ADGRD1: variants seen among roughly 807,000 people sequenced by gnomAD.
ADGRD1 encodes the protein G-protein coupled receptor 133.
Under a neutral mutation model 113.4 loss-of-function variants are expected in ADGRD1, and 77 were observed. The ratio of observed to expected loss-of-function variants is 0.68; its 90% CI spans 0.57 to 0.82. ADGRD1 has a LOEUF of 0.82. Ranked by LOEUF, ADGRD1 falls within the 40% of genes least tolerant of loss-of-function variation. The probability of loss-of-function intolerance (pLI) is 0.00; values close to 1 mark genes in which losing one functional copy is unlikely to be tolerated. For synonymous variants in ADGRD1, 474 were observed against 475.0 expected (o/e 1.00, Z 0.03); for missense variants, 1,036 against 1,139.1 (o/e 0.91, Z 1.30).
At chr12:131,070,869 A>G (rs1488474910) in intron 13 of ADGRD1, 1 of 519,044 alleles carries the variant, frequency 1.9e-6, no homozygotes. Flanking sequence ...GAGTGTCTGC[A>G]CGGGACGTCC....
intron 13 of ADGRD1, among the ~76,000 whole-genome samples, chr12:131,031,974 A>C (rs1880812671): frequency 6.6e-6 from 1 of 152,068 alleles, no homozygotes; most frequent in Admixed American, 6.5e-5. Flanking sequence ...CTTCAGATGA[A>C]CCAGCCTGAC....
chr12:131,024,873 G>C lies in ADGRD1; in HGVS notation c.1473+10533G>C, dbSNP rs558331367. On this transcript the variant is annotated intron_variant, in intron 13 of 24. Coordinates refer to ENST00000261654, the MANE Select transcript of ADGRD1 (RefSeq NM_198827.5). ...CAGGCGTGTCTGTGTGAGAAGCTCGGGCAGGGCTCTCCGGGCCATTTTCTC... is the reference window on the plus strand; with the variant it reads ...CAGGCGTGTCTGTGTGAGAAGCTCGCGCAGGGCTCTCCGGGCCATTTTCTC... 5.3e-5 allele frequency: 8 copies of C among 152,372 alleles called. No homozygotes were observed. The South Asian group carries it at 6.2e-4, about 12-fold the overall frequency. The allele number at this position is 152,372 out of a possible 1,614,324, so 9.4% of individuals were successfully genotyped here.
chr12:131,093,690 C>CTCTGTGTGAA (rs1887066752), intron 15 of ADGRD1, among the ~76,000 whole-genome samples: 1 of 152,234 alleles, frequency 6.6e-6, no homozygotes, highest in East Asian at 1.9e-4. Context: ...TCCACGGGGT[C>CTCTGTGTGAA]TCTGTGTGAA....
chr12:131,097,447 A>G (rs928700716), intron 15 of ADGRD1, among the ~76,000 whole-genome samples: 1 of 152,062 alleles, frequency 6.6e-6, no homozygotes, highest in Non-Finnish European at 1.5e-5. Flanking sequence ...GCTCATTTCT[A>G]CCTGTCCCCG....
chr12:131,032,008 C>A (rs1384664318), intron 13 of ADGRD1, among the ~76,000 whole-genome samples: 1 of 152,218 alleles, frequency 6.6e-6, no homozygotes, highest in African/African-American at 2.4e-5. Context: ...CAGCCTCCAC[C>A]CTTGGCTCTG....
chr12:130,988,012 C>G (rs1309719743), intron 6 of ADGRD1: 1 of 153,256 alleles, frequency 6.5e-6, no homozygotes, highest in African/African-American at 2.4e-5. Context: ...CCGCCTTCCC[C>G]TCCCCCAGAC....
At chr12:130,974,870 C>T (rs1052477767) in intron 4 of ADGRD1, among the ~76,000 whole-genome samples, 6 of 152,092 alleles carry the variant, frequency 3.9e-5, no homozygotes, top group Non-Finnish European at 8.8e-5. Context: ...CTCTCTGCTG[C>T]TTGTCTGCCT....
chr12:131,056,171 T>C (rs1883843637), intron 13 of ADGRD1, among the ~76,000 whole-genome samples: 1 of 152,224 alleles, frequency 6.6e-6, no homozygotes, highest in South Asian at 2.1e-4. Flanking sequence ...TTCCTCTTGG[T>C]TGAGGATCAC....
At chr12:130,969,033 T>A in intron 3 of ADGRD1, 1 of 1,534,240 alleles carries the variant, frequency 6.5e-7, no homozygotes, top group Non-Finnish European at 8.7e-7. Flanking sequence ...TTTTGTGTAT[T>A]CCAATGATTC....
intron 4 of ADGRD1, among the ~76,000 whole-genome samples, chr12:130,980,311 A>G (rs1412722763): frequency 6.6e-6 from 1 of 151,346 alleles, no homozygotes; most frequent in Non-Finnish European, 1.5e-5. Context: ...TCACCATGTT[A>G]GTAAAGATGG....
rs576255521 is a variant in ADGRD1 at position 130,995,984 on chromosome 12, C to T, written c.966+3592C>T. ...ATTAGGGAGTGGTGATGACTCTTAA[C>T]GAGCATGCTGCCTTCAAGCATCTGT... On this transcript the variant is annotated intron_variant, in intron 8 of 24. Coordinates refer to ENST00000261654, the MANE Select transcript of ADGRD1 (RefSeq NM_198827.5). Among the ~76,000 whole-genome samples the T allele has an allele frequency of 7.7e-3, 1,134 of 148,176 alleles. 18 individuals carry two copies. Among genetic ancestry groups the T allele is most frequent in the African/African-American group, 0.027 (1,056 of 39,554 alleles).
At chr12:131,128,439 A>G (rs112203208) in intron 20 of ADGRD1, among the ~76,000 whole-genome samples, 1 of 152,142 alleles carries the variant, frequency 6.6e-6, no homozygotes, top group Non-Finnish European at 1.5e-5. Flanking sequence ...CTGAGTTTCT[A>G]TTCCACCTGA....
chr12:131,072,043 C>G (rs1053362792), intron 13 of ADGRD1, among the ~76,000 whole-genome samples: 3 of 150,678 alleles, frequency 2.0e-5, no homozygotes, highest in African/African-American at 7.3e-5. Flanking sequence ...TGCCCTAACT[C>G]CAGATCCCCA....
intron 2 of ADGRD1, among the ~76,000 whole-genome samples, chr12:130,959,921 C>T (rs528386010): frequency 1.1e-4 from 16 of 152,302 alleles, no homozygotes; most frequent in Non-Finnish European, 2.4e-4. Flanking sequence ...AGCCACTTCT[C>T]ACTTTACAGG....
chr12:131,073,779 G>A (rs1164254431), intron 13 of ADGRD1, among the ~76,000 whole-genome samples: 1 of 152,186 alleles, frequency 6.6e-6, no homozygotes, highest in African/African-American at 2.4e-5. Flanking sequence ...GTGAGTGAAA[G>A]AGACTGCAAG....
At position 130,965,257 on chromosome 12, in the gene ADGRD1, C is replaced by A. The variant is rs967416197; in HGVS notation, c.104-1206C>A. The stretch of plus-strand genomic sequence containing the variant: ...TTTGTACAAGCCTCCTTGCTAAATT[C>A]TTTTGTTGTTTGTAATAGTGTTTCA... On this transcript the variant is annotated intron_variant, in intron 2 of 24. Coordinates refer to ENST00000261654, the MANE Select transcript of ADGRD1 (RefSeq NM_198827.5). The surrounding 1 kb of genome is among the most constrained non-coding windows in gnomAD (Gnocchi z 4.8). Among the ~76,000 whole-genome samples the A allele has an allele frequency of 2.0e-5, 3 of 152,106 alleles. No homozygotes were observed. Among genetic ancestry groups the A allele is most frequent in the Non-Finnish European group, 4.4e-5 (3 of 68,002 alleles).
intron 20 of ADGRD1, among the ~76,000 whole-genome samples, chr12:131,122,700 T>G (rs924065183): frequency 3.3e-5 from 5 of 152,314 alleles, no homozygotes; most frequent in South Asian, 2.1e-4. Flanking sequence ...TTCTCTCTAC[T>G]GACTTAAACC....
At chr12:131,016,882 G>A (rs181667322) in intron 13 of ADGRD1, among the ~76,000 whole-genome samples, 17 of 111,540 alleles carry the variant, frequency 1.5e-4, no homozygotes, top group African/African-American at 6.1e-4. Flanking sequence ...GATAGAGTGA[G>A]ACTCTGCCTC....
At chr12:131,072,869 G>A (rs535316106) in intron 13 of ADGRD1, among the ~76,000 whole-genome samples, 30 of 152,360 alleles carry the variant, frequency 2.0e-4, no homozygotes, top group African/African-American at 7.0e-4. Context: ...AGCAGCATCT[G>A]TGGGTATCCT....
Sources: gnomAD v4.1 joint callset for allele counts (sites outside exome capture counted in the v4.1 genomes callset) on GRCh38, gnomAD v4.1.1 for gene constraint, Gnocchi (gnomAD v3.1) non-coding constraint, MANE v1.5 for transcripts, NCBI Gene and HGNC (gene_info 2026-07-23, HGNC 2026-07-21) for gene names.